Variants in NUP88 observed in about 807,000 individuals in gnomAD.
The protein encoded by NUP88 is nuclear pore complex protein Nup88.
NUP88 carries 57 observed loss-of-function variants against 93.9 expected under a neutral mutation model. The observed-to-expected ratio is 0.61, with a 90% CI of 0.49 to 0.76. The LOEUF (loss-of-function observed/expected upper bound fraction) is 0.76. NUP88 is among the 30% of genes least tolerant of loss of function. NUP88 has a pLI of 0.00. For missense variants in NUP88, 911 were observed against 901.0 expected (o/e 1.01, Z -0.14); for synonymous variants, 346 against 336.8 (o/e 1.03, Z -0.30).
chr17:5,417,488 G>T (rs12603639), intron 1 of NUP88, among the ~76,000 whole-genome samples: 1 of 151,406 alleles, frequency 6.6e-6, no homozygotes, highest in Non-Finnish European at 1.5e-5. Context: ...AATAAAATAC[G>T]TTTTTAAAAA....
intron 2 of NUP88, among the ~76,000 whole-genome samples, chr17:5,416,166 A>ATTATATATATATATAT (rs1914129874): frequency 3.4e-5 from 2 of 57,988 alleles, no homozygotes; most frequent in Non-Finnish European, 6.4e-5. Context: ...AAAAAAAAAA[A>ATTATATATATATATAT]GTATATATAT....
intron 7 of NUP88, among the ~76,000 whole-genome samples, chr17:5,401,279 A>G (rs1454596088): frequency 6.6e-6 from 1 of 152,146 alleles, no homozygotes; most frequent in Non-Finnish European, 1.5e-5. Context: ...GCTACTCGGG[A>G]GGCTGAGGCA....
intron 11 of NUP88, 76 bp downstream of exon 11, chr17:5,388,726 G>T: frequency 1.5e-6 from 2 of 1,316,546 alleles, no homozygotes; most frequent in South Asian, 1.4e-5. Context: ...AACAGATGAG[G>T]ACAGAAAGGA....
chr17:5,403,764 T>C (rs4790263), intron 7 of NUP88, among the ~76,000 whole-genome samples: 77,749 of 152,022 alleles, frequency 0.51, 21,211 homozygotes, highest in East Asian at 0.97. Context: ...CATGGGAGTG[T>C]AGGTATCCCT....
intron 3 of NUP88, among the ~76,000 whole-genome samples, chr17:5,412,670 A>G (rs1379340031): frequency 6.6e-6 from 1 of 151,462 alleles, no homozygotes; most frequent in Non-Finnish European, 1.5e-5. Context: ...CCCCACATAC[A>G]CACACACAAA....
At chr17:5,401,827 T>C (rs1374730138) in intron 7 of NUP88, among the ~76,000 whole-genome samples, 1 of 152,188 alleles carries the variant, frequency 6.6e-6, no homozygotes, top group Admixed American at 6.5e-5. Context: ...GTAAAACAAA[T>C]TGATTACTAA....
intron 8 of NUP88, among the ~76,000 whole-genome samples, chr17:5,396,392 C>T (rs368013633): frequency 5.3e-5 from 8 of 152,310 alleles, no homozygotes; most frequent in African/African-American, 1.7e-4. Context: ...AACAGCCATA[C>T]AGTTGTTTGT....
intron 5 of NUP88, among the ~76,000 whole-genome samples, chr17:5,408,067 T>C (rs1208060468): frequency 1.3e-5 from 2 of 152,198 alleles, no homozygotes; most frequent in Non-Finnish European, 2.9e-5. Flanking sequence ...GGACAGATAC[T>C]CCAGCTTTAT....
Position 5,419,602 on chromosome 17 carries a change from A to G in NUP88, c.49T>C (p.Trp17Arg), listed in dbSNP as rs1197869893. 1 of 1,603,704 alleles carries G rather than the reference A, an allele frequency of 6.2e-7. No homozygotes were observed. The highest frequency in any genetic ancestry group is 2.2e-5 in the East Asian group (1 of 44,648). ...AAGAACACGACGTGGTTAGGAAGCC[A>G]GGTCTGCCACAGCTCGCCGTCGCCC... ...PVGDGELWQT[W>R]LPNHVVFLRL... The change falls in exon 1 of 17, where the codon TGG becomes CGG. Residue 17 changes from tryptophan (W) to arginine (R), a missense_variant. Transcript: ENST00000573584.
At position 5,385,871 on chromosome 17, in the gene NUP88, G is replaced by T. The variant is rs1911914619; in HGVS notation, c.*335C>A. On this transcript the variant is annotated 3_prime_UTR_variant, in exon 17 of 17. Coordinates refer to ENST00000573584, the MANE Select transcript of NUP88 (RefSeq NM_002532.6). The stretch of plus-strand genomic sequence containing the variant: ...TATCCCTCTTCAGAGTCATGTTTCT[G>T]GTGCTGCTACTTTAAAACACAGCTC... 3.5e-6 allele frequency: 1 copy of T among 285,092 alleles called. No homozygotes were observed. Among genetic ancestry groups the T allele is most frequent in the Non-Finnish European group, 6.5e-6 (1 of 154,312 alleles). The allele number at this position is 285,092 out of a possible 1,614,324, so 17.7% of individuals were successfully genotyped here. A position where few individuals can be genotyped will look rare whatever the true frequency, so the allele number is the denominator to read the frequency against.
At chr17:5,405,513 A>G (rs1478074717) in intron 5 of NUP88, among the ~76,000 whole-genome samples, 1 of 152,214 alleles carries the variant, frequency 6.6e-6, no homozygotes. Context: ...GGGAGGTATT[A>G]GCATCTAGTG....
At chr17:5,397,975 T>C (rs1912883630) in intron 8 of NUP88, among the ~76,000 whole-genome samples, 4 of 114,532 alleles carry the variant, frequency 3.5e-5, no homozygotes, top group African/African-American at 6.9e-5. Context: ...TGATCTCGAC[T>C]CGAATACAGC....
chr17:5,409,343 C>T (rs1913689443), intron 4 of NUP88, among the ~76,000 whole-genome samples: 1 of 140,010 alleles, frequency 7.1e-6, no homozygotes, highest in Non-Finnish European at 1.5e-5. Context: ...CATTGCACTC[C>T]AGCCTGGGCG....
rs1158308175 is a variant in NUP88, at chr17:5,419,366, C to T, written c.285G>A (p.Leu95=). ...GPSGGGEEPA[L]SQYQRLLCIN... ...GGCCTGGCATTACCTGGTACTGGGA[C>T]AGGGCGGGCTCTTCGCCGCCGCCGC... Residue 95 remains leucine (L), a synonymous_variant, in exon 1 of 17, where the codon CTG becomes CTA. Transcript: ENST00000573584. The T allele has an allele frequency of 5.0e-6, 8 of 1,592,380 alleles. No individual in the cohort carries two copies. Among genetic ancestry groups the T allele is most frequent in the Middle Eastern group, 1.7e-4 (1 of 5,982 alleles).
intron 1 of NUP88, 118 bp from the exon 2 acceptor site, chr17:5,416,800 T>G (rs1228160857): frequency 3.7e-6 from 3 of 820,306 alleles, no homozygotes; most frequent in Middle Eastern, 3.6e-4. Context: ...AAACTCTGGA[T>G]AAGTACTCAC....
intron 7 of NUP88, among the ~76,000 whole-genome samples, chr17:5,401,922 T>C (rs1227927752): frequency 6.6e-6 from 1 of 152,178 alleles, no homozygotes; most frequent in East Asian, 1.9e-4. Context: ...CACTAAGAAA[T>C]CTGGTGTGCC....
intron 8 of NUP88, 56 bp downstream of exon 8, chr17:5,399,496 T>C: frequency 1.1e-6 from 1 of 888,042 alleles, no homozygotes; most frequent in South Asian, 1.5e-5. Flanking sequence ...CTGAAATCTA[T>C]TAAATCTATT....
chr17:5,418,913 AAC>A (rs762229358), intron 1 of NUP88, among the ~76,000 whole-genome samples: 2 of 152,322 alleles, frequency 1.3e-5, no homozygotes, highest in East Asian at 1.9e-4. Context: ...GGTAAGAATT[AAC>A]AGAGACTTCC....
chr17:5,416,803 G>C (rs1452841391), intron 1 of NUP88, 121 bp from the exon 2 acceptor site: 2 of 765,352 alleles, frequency 2.6e-6, no homozygotes, highest in Non-Finnish European at 4.0e-6. Context: ...CTCTGGATAA[G>C]TACTCACACT....
Sources: allele counts gnomAD v4.1 joint callset (sites outside exome capture counted in the v4.1 genomes callset), GRCh38; gene constraint gnomAD v4.1.1; transcripts MANE v1.5; gene names NCBI Gene and HGNC (gene_info 2026-07-23, HGNC 2026-07-21).